ZDHHC18: variants seen among roughly 807,000 people sequenced by gnomAD.
ZDHHC18 encodes palmitoyltransferase ZDHHC18.
In ZDHHC18, 23 loss-of-function variants were observed where a neutral mutation model predicts 37.5. The ratio of observed to expected loss-of-function variants is 0.61; its 90% CI spans 0.44 to 0.87. The LOEUF is 0.87. Ranked by LOEUF, ZDHHC18 falls within the 40% of genes least tolerant of loss-of-function variation. The pLI, the probability that ZDHHC18 is intolerant of heterozygous loss-of-function variation, is 0.00. For missense variants in ZDHHC18, 406 were observed against 525.6 expected, an observed-to-expected ratio of 0.77 and a Z score of 2.22; for synonymous variants, 185 against 218.7, an observed-to-expected ratio of 0.85 and a Z score of 1.36.
At chr1:26,835,880 GC>G (rs1392585300) in intron 2 of ZDHHC18, among the ~76,000 whole-genome samples, 1 of 152,112 alleles carries the variant, frequency 6.6e-6, no homozygotes, top group African/African-American at 2.4e-5. Context: ...TGGCACCCCA[GC>G]CCAGCAACTC....
At chr1:26,843,575 G>C (rs778074164) in intron 2 of ZDHHC18, among the ~76,000 whole-genome samples, 11 of 146,728 alleles carry the variant, frequency 7.5e-5, no homozygotes, top group Non-Finnish European at 6.0e-5. Flanking sequence ...GATGACTTCA[G>C]ATCAGGAGTT....
intron 2 of ZDHHC18, among the ~76,000 whole-genome samples, chr1:26,836,572 CTTTTTTT>C (rs753110980): frequency 7.2e-6 from 1 of 139,384 alleles, no homozygotes; most frequent in Non-Finnish European, 1.6e-5. Flanking sequence ...TTCTTTTTTT[CTTTTTTT>C]TTTTTTTGAG....
At chr1:26,827,706 T>C (rs185018766) in intron 1 of ZDHHC18, among the ~76,000 whole-genome samples, 1 of 152,220 alleles carries the variant, frequency 6.6e-6, no homozygotes, top group Admixed American at 6.5e-5. Flanking sequence ...TTCTCTAGTC[T>C]CAGACACCAA....
intron 1 of ZDHHC18, among the ~76,000 whole-genome samples, chr1:26,831,349 G>A (rs1305362329): frequency 6.6e-6 from 1 of 152,230 alleles, no homozygotes; most frequent in South Asian, 2.1e-4. Flanking sequence ...TTTGTAGAAT[G>A]AGGCTGAAGT....
At chr1:26,844,166 A>G (rs1337052421) in intron 2 of ZDHHC18, among the ~76,000 whole-genome samples, 1 of 151,966 alleles carries the variant, frequency 6.6e-6, no homozygotes, top group Non-Finnish European at 1.5e-5. Flanking sequence ...CAGCCTCCCG[A>G]GTAGCTGGGA....
intron 2 of ZDHHC18, among the ~76,000 whole-genome samples, chr1:26,841,220 C>T (rs1294533640): frequency 3.9e-5 from 6 of 152,192 alleles, no homozygotes; most frequent in Non-Finnish European, 8.8e-5. Context: ...GACAGGTGAT[C>T]CACCTGCCTT....
intron 7 of ZDHHC18, among the ~76,000 whole-genome samples, 171 bp from the exon 8 acceptor site, chr1:26,853,555 G>A (rs2081717602): frequency 6.6e-6 from 1 of 152,224 alleles, no homozygotes; most frequent in Non-Finnish European, 1.5e-5. Context: ...GGCAGAGAGA[G>A]GCCTGCCAGA....
chr1:26,852,690 C>A (rs1050783175), intron 6 of ZDHHC18, 63 bp from the exon 7 acceptor site: 1 of 1,451,582 alleles, frequency 6.9e-7, no homozygotes, highest in African/African-American at 1.4e-5. Flanking sequence ...AGCCTCTAGA[C>A]CTGCCTCCTA....
At chr1:26,843,372 C>T (rs1438164706) in intron 2 of ZDHHC18, among the ~76,000 whole-genome samples, 1 of 150,732 alleles carries the variant, frequency 6.6e-6, no homozygotes, top group Non-Finnish European at 1.5e-5. Flanking sequence ...AACTCCTGAC[C>T]TAAGGTGATC....
intron 2 of ZDHHC18, among the ~76,000 whole-genome samples, chr1:26,846,362 T>C (rs1359417187): frequency 7.7e-6 from 1 of 130,504 alleles, no homozygotes; most frequent in African/African-American, 2.9e-5. Context: ...AGTCTCGCTC[T>C]GTCTCCCAGG....
At chr1:26,845,100 T>C (rs956770764) in intron 2 of ZDHHC18, among the ~76,000 whole-genome samples, 16 of 151,902 alleles carry the variant, frequency 1.1e-4, no homozygotes, top group African/African-American at 3.1e-4. Context: ...AATTTTTGTA[T>C]TTTTAGTATA....
Position 26,855,851 on chromosome 1 carries a change from C to G in ZDHHC18, c.*2008C>G. 1 of 181,496 alleles carries G rather than the reference C, an allele frequency of 5.5e-6. No homozygotes were observed. Among genetic ancestry groups the G allele is most frequent in the Admixed American group, 5.5e-5 (1 of 18,142 alleles). 11.2% of individuals were successfully genotyped at this position (181,496 alleles called of 1,614,324 possible). On this transcript the variant is annotated 3_prime_UTR_variant, in exon 8 of 8. Transcript: ENST00000374142. ...GAAGGCAGGCAGCCCAGTGATCTGG[C>G]TACATTTTCCCTCACCTGGCTGGAG...
At chr1:26,832,887 T>C (rs1390128944) in intron 2 of ZDHHC18, among the ~76,000 whole-genome samples, 3 of 152,240 alleles carry the variant, frequency 2.0e-5, no homozygotes, top group South Asian at 2.1e-4. Flanking sequence ...GCTCTTTATA[T>C]GCATGATCTT....
At position 26,852,879 on chromosome 1, in the gene ZDHHC18, G is replaced by T. The variant is rs1366767045; in HGVS notation, c.1049+14G>T. On this transcript the variant is annotated intron_variant, in intron 7 of 7. Transcript: ENST00000374142. ...CCTACCTCCCAGGTAAGTGAGCGGG[G>T]TGCGGAAGAGGGGTAACAGGGCCAT... 4 of 1,612,140 alleles carry T rather than the reference G, an allele frequency of 2.5e-6. No individual in the cohort carries two copies. Among genetic ancestry groups the T allele is most frequent in the Admixed American group, 3.3e-5 (2 of 59,908 alleles).
chr1:26,846,243 T>G (rs1346867086), intron 2 of ZDHHC18, among the ~76,000 whole-genome samples: 7 of 140,510 alleles, frequency 5.0e-5, no homozygotes, highest in Non-Finnish European at 1.1e-4. Context: ...GAGAGAGAGA[T>G]ATATAGATAT....
At chr1:26,830,949 A>AT (rs1323517398) in intron 1 of ZDHHC18, among the ~76,000 whole-genome samples, 1 of 151,838 alleles carries the variant, frequency 6.6e-6, no homozygotes, top group Admixed American at 6.6e-5. Context: ...CACCCTGCTA[A>AT]TTTTTCTGTT....
chr1:26,848,485 C>G (rs17370283), intron 2 of ZDHHC18, 123 bp from the exon 3 acceptor site: 96,709 of 1,309,952 alleles, frequency 0.074, 4,062 homozygotes, highest in Non-Finnish European at 0.083. Context: ...ATGTTTGTTC[C>G]TGGGAACCTG....
intron 2 of ZDHHC18, among the ~76,000 whole-genome samples, chr1:26,844,926 GT>G (rs35017323): frequency 0.13 from 18,440 of 140,790 alleles, 1,135 homozygotes; most frequent in Non-Finnish European, 0.17. Context: ...TTTTTTTTTG[GT>G]TTTTTTTTTT....
chr1:26,843,201 GGCGACTGTTCA>G (rs2081647257), intron 2 of ZDHHC18, among the ~76,000 whole-genome samples: 2 of 147,638 alleles, frequency 1.4e-5, no homozygotes, highest in African/African-American at 5.0e-5. Context: ...GGAATGCAAT[GGCGACTGTTCA>G]GCTCACTGCA....
Sources: allele counts gnomAD v4.1 joint callset (sites outside exome capture counted in the v4.1 genomes callset), GRCh38; gene constraint gnomAD v4.1.1; transcripts MANE v1.5; gene names NCBI Gene and HGNC (gene_info 2026-07-23, HGNC 2026-07-21).